EML6: variants seen among roughly 807,000 people sequenced by gnomAD.
EML6 encodes the protein echinoderm microtubule-associated protein-like 6.
EML6 carries 154 observed loss-of-function variants against 240.1 expected under a neutral mutation model. That is an observed-to-expected ratio of 0.64 (90% CI 0.56 to 0.73). EML6 has a LOEUF of 0.73. EML6 is among the 30% of genes least tolerant of loss of function. The pLI is 0.00. For synonymous variants in EML6, 1,148 were observed against 899.0 expected (o/e 1.28, Z -4.95); for missense variants, 2,964 against 2,474.6 (o/e 1.20, Z -4.20).
At chr2:54,895,960 A>G (rs1672740258) in intron 21 of EML6, among the ~76,000 whole-genome samples, 1 of 152,240 alleles carries the variant, frequency 6.6e-6, no homozygotes, top group Non-Finnish European at 1.5e-5. Flanking sequence ...GAATCATAAC[A>G]TTCCATTGCC....
chr2:54,936,855 C>G lies in EML6; in HGVS notation c.4004+8104C>G, dbSNP rs2104427581. Among the ~76,000 whole-genome samples the G allele has an allele frequency of 1.3e-5, 2 of 152,200 alleles. 1 individual carries two copies. Among genetic ancestry groups the G allele is most frequent in the East Asian group, 3.9e-4 (2 of 5,186 alleles). On this transcript the variant is annotated intron_variant, in intron 28 of 41. Transcript: ENST00000356458. Reference sequence around the variant, plus strand: ...ACCTGAGAAGCTGCATAACTTATGGCCAAAAGTCAAAATTCCAAACTCACC... The same window carrying G: ...ACCTGAGAAGCTGCATAACTTATGGGCAAAAGTCAAAATTCCAAACTCACC...
intron 28 of EML6, among the ~76,000 whole-genome samples, chr2:54,948,130 C>T (rs904605461): frequency 2.6e-5 from 4 of 152,138 alleles, no homozygotes; most frequent in Admixed American, 6.5e-5. Context: ...TTAAGGAAAC[C>T]CCACGTCACC....
At chr2:54,748,755 G>C (rs960598525) in intron 2 of EML6, among the ~76,000 whole-genome samples, 1 of 152,020 alleles carries the variant, frequency 6.6e-6, no homozygotes, top group Non-Finnish European at 1.5e-5. Flanking sequence ...TAGAGACAGG[G>C]TCTTGCTTTG....
chr2:54,867,135 T>C (rs1008737026), intron 14 of EML6: 3 of 309,522 alleles, frequency 9.7e-6, no homozygotes, highest in Non-Finnish European at 1.8e-5. Flanking sequence ...TATAATTCCA[T>C]GACTTAAAGG....
chr2:54,887,155 C>G lies in EML6; in HGVS notation c.2439-3899C>G, dbSNP rs1672192834. Among the ~76,000 whole-genome samples, 7 of 152,304 alleles carry G rather than the reference C, an allele frequency of 4.6e-5. 1 individual carries two copies. In the South Asian group the frequency reaches 1.2e-3, roughly 27 times the overall value. ...TTTTTCTGCTGTCAGTAATACTCAG[C>G]TCAGTTGGTGGGTTCTGGGAGCATT... On this transcript the variant is annotated intron_variant, in intron 17 of 41. Transcript: ENST00000356458.
rs770559497 is a variant in EML6, at chr2:54,871,608, A to G, written c.2344+3A>G. 26 of 1,544,562 alleles carry G rather than the reference A, an allele frequency of 1.7e-5. 1 individual carries two copies. The South Asian group carries it at 2.9e-4, about 17-fold the overall frequency. On this transcript the variant is annotated splice_donor_region_variant and intron_variant, in intron 16 of 41. Transcript: ENST00000356458. Reference sequence around the variant, plus strand: ...AGTGTGTGCACTTGATTTTTCAGGTAAGGTCCAGAGTGATTGACACATGGT... The same window carrying G: ...AGTGTGTGCACTTGATTTTTCAGGTGAGGTCCAGAGTGATTGACACATGGT...
Position 54,968,131 on chromosome 2 carries a change from C to A in EML6, c.5601C>A (p.Val1867=). ...EKITWASWTS[V]LGDEVIGIWP... ...ACCCCTCTTTCTGTTGGAACAGCGT[C>A]CTGGGAGATGAAGTCATTGGAATCT... Residue 1867 remains valine (V), a synonymous_variant, in exon 40 of 42, where the codon GTC becomes GTA. Coordinates refer to ENST00000356458, the MANE Select transcript of EML6 (RefSeq NM_001039753.4). The A allele has an allele frequency of 6.4e-7, 1 of 1,550,984 alleles. No homozygotes were observed. Among genetic ancestry groups the A allele is most frequent in the Non-Finnish European group, 8.7e-7 (1 of 1,147,000 alleles).
At chr2:54,912,389 T>C (rs1183170938) in intron 25 of EML6, among the ~76,000 whole-genome samples, 3 of 152,216 alleles carry the variant, frequency 2.0e-5, no homozygotes, top group Non-Finnish European at 2.9e-5. Context: ...CCAGATACTT[T>C]ATACACCTTT....
At chr2:54,879,187 T>C (rs948833727) in intron 16 of EML6, among the ~76,000 whole-genome samples, 2 of 152,222 alleles carry the variant, frequency 1.3e-5, no homozygotes, top group Non-Finnish European at 2.9e-5. Context: ...ATAGTTTTTG[T>C]AGCTTACCTG....
intron 7 of EML6, among the ~76,000 whole-genome samples, chr2:54,831,137 A>C (rs1307923080): frequency 3.9e-5 from 6 of 152,210 alleles, no homozygotes; most frequent in Non-Finnish European, 7.3e-5. Flanking sequence ...TATATCTTTC[A>C]AGGTAAACCA....
intron 10 of EML6, among the ~76,000 whole-genome samples, chr2:54,853,000 A>G (rs868254317): frequency 5.3e-5 from 8 of 152,226 alleles, no homozygotes; most frequent in Non-Finnish European, 7.3e-5. Context: ...TCCCGCGTGA[A>G]TTACATTTTA....
At chr2:54,919,901 A>G (rs568009438) in intron 26 of EML6, among the ~76,000 whole-genome samples, 1 of 152,344 alleles carries the variant, frequency 6.6e-6, no homozygotes, top group African/African-American at 2.4e-5. Context: ...TGTTTCAACA[A>G]AGTTACACTA....
intron 2 of EML6, among the ~76,000 whole-genome samples, chr2:54,782,047 A>C (rs191523900): frequency 6.6e-6 from 1 of 152,314 alleles, no homozygotes; most frequent in African/African-American, 2.4e-5. Flanking sequence ...ATGTAACAAA[A>C]AGTTTTCTCT....
intron 17 of EML6, among the ~76,000 whole-genome samples, chr2:54,890,190 A>G (rs923894131): frequency 6.6e-6 from 1 of 152,218 alleles, no homozygotes; most frequent in Non-Finnish European, 1.5e-5. Context: ...CAATTGTATT[A>G]CTTGATTCCT....
chr2:54,805,248 T>A (rs1476112873), intron 2 of EML6, among the ~76,000 whole-genome samples: 2 of 152,232 alleles, frequency 1.3e-5, no homozygotes, highest in African/African-American at 2.4e-5. Context: ...TTTCTGGCTC[T>A]TTTAAATCTG....
chr2:54,785,402 G>A (rs758669611), intron 2 of EML6, among the ~76,000 whole-genome samples: 13 of 151,764 alleles, frequency 8.6e-5, no homozygotes, highest in Middle Eastern at 3.4e-3. Context: ...CTTGAACTCC[G>A]GACCTCAAGT....
At position 54,827,708 on chromosome 2, in the gene EML6, G is replaced by A; in HGVS notation, c.668G>A (p.Trp223Ter). 6.4e-7 allele frequency: 1 copy of A among 1,551,672 alleles called. No individual in the cohort carries two copies. The highest frequency in any genetic ancestry group is 8.7e-7 in the Non-Finnish European group (1 of 1,146,942). The change falls in exon 6 of 42, where the codon TGG (tryptophan) becomes TAG (stop). Residue 223 changes from tryptophan to a stop codon, truncating the protein, a stop_gained. Coordinates refer to ENST00000356458, the MANE Select transcript of EML6 (RefSeq NM_001039753.4). LOFTEE classifies it high-confidence loss of function. The part of the protein sequence containing the change: ...SGALNGDIYV[W>*]KGLNLVRTIQ... ...GCTTTAAATGGTGACATCTATGTCTGGAAAGGGCTCAATTTAGTCCGCACC... is the reference window on the plus strand; with the variant it reads ...GCTTTAAATGGTGACATCTATGTCTAGAAAGGGCTCAATTTAGTCCGCACC...
At position 54,796,272 on chromosome 2, in the gene EML6, A is replaced by G. The variant is rs573291135; in HGVS notation, c.198-16960A>G. On this transcript the variant is annotated intron_variant, in intron 2 of 41. Coordinates refer to ENST00000356458, the MANE Select transcript of EML6 (RefSeq NM_001039753.4). ...GATTAATGGCTTCTAAAAATGACTG[A>G]GGAAATATTTCCTCCTGAATTTCCT... 9.8e-5 allele frequency among the ~76,000 whole-genome samples: 15 copies of G among 152,360 alleles called. No homozygotes were observed. In the South Asian group the frequency reaches 3.1e-3, roughly 32 times the overall value.
chr2:54,889,381 C>G (rs1672333820), intron 17 of EML6, among the ~76,000 whole-genome samples: 1 of 149,500 alleles, frequency 6.7e-6, no homozygotes, highest in Non-Finnish European at 1.5e-5. Context: ...AATTTATAAA[C>G]TAAGGGATAA....
Sources: allele counts gnomAD v4.1 joint callset (sites outside exome capture counted in the v4.1 genomes callset), GRCh38; gene constraint gnomAD v4.1.1; transcripts MANE v1.5; gene names NCBI Gene and HGNC (gene_info 2026-07-23, HGNC 2026-07-21).